Variants in SCHIP1 observed in about 807,000 individuals in gnomAD.
SCHIP1 encodes schwannomin-interacting protein 1.
Under a neutral mutation model 29.7 loss-of-function variants are expected in SCHIP1, and 8 were observed. That is an observed-to-expected ratio of 0.27 (90% CI 0.16 to 0.49). The LOEUF is 0.49. SCHIP1 is among the 20% of genes least tolerant of loss of function. The pLI is 0.99. For missense variants in SCHIP1, 193 were observed against 294.6 expected (o/e 0.66, Z 2.52); for synonymous variants, 76 against 94.9 (o/e 0.80, Z 1.16).
At chr3:159,626,532 T>C in the SCHIP1 span, among the ~76,000 whole-genome samples, 2 of 152,068 alleles carry the variant, frequency 1.3e-5, no homozygotes, top group East Asian at 1.9e-4. Context: ...ACAAGGGTCG[T>C]CTGGGGCATG....
chr3:159,839,187 G>A (rs888645557), upstream of SCHIP1, among the ~76,000 whole-genome samples: 3 of 151,818 alleles, frequency 2.0e-5, no homozygotes, highest in African/African-American at 4.8e-5. Flanking sequence ...CTCTGTCTCA[G>A]GGAGGATGGG....
chr3:159,840,106 C>CG (rs1211632553), exon 1 of SCHIP1: 1 of 1,528,970 alleles, frequency 6.5e-7, no homozygotes, highest in Admixed American at 2.0e-5. Flanking sequence ...CTCCGCCCGC[C>CG]GGTGGATGCT....
At chr3:159,765,218 G>C in the SCHIP1 span, 3 of 1,413,638 alleles carry the variant, frequency 2.1e-6, no homozygotes, top group Non-Finnish European at 2.8e-6. Flanking sequence ...CCCTCCCTGC[G>C]CTCCCGCCCG....
chr3:159,301,781 G>A, the SCHIP1 span, among the ~76,000 whole-genome samples: 4 of 152,250 alleles, frequency 2.6e-5, no homozygotes, highest in African/African-American at 9.6e-5. Flanking sequence ...CCAGTCATGT[G>A]AAACTGTAAG....
chr3:159,347,741 A>AT, the SCHIP1 span, among the ~76,000 whole-genome samples: 9 of 152,110 alleles, frequency 5.9e-5, no homozygotes, highest in Admixed American at 3.9e-4. Flanking sequence ...GGGGTCTATA[A>AT]TTTTTAATCA....
At chr3:159,360,678 G>A in the SCHIP1 span, among the ~76,000 whole-genome samples, 8 of 152,104 alleles carry the variant, frequency 5.3e-5, no homozygotes, top group African/African-American at 1.9e-4. Context: ...TATGCTTTCT[G>A]TTCATTCTTT....
the SCHIP1 span, among the ~76,000 whole-genome samples, chr3:159,522,419 GAGA>G: frequency 6.6e-6 from 1 of 152,220 alleles, no homozygotes; most frequent in African/African-American, 2.4e-5. Flanking sequence ...AAGTAAGAAA[GAGA>G]AGGTTTCCAA....
chr3:159,527,042 A>C, the SCHIP1 span, among the ~76,000 whole-genome samples: 1 of 152,286 alleles, frequency 6.6e-6, no homozygotes, highest in East Asian at 1.9e-4. Flanking sequence ...ATATCTTCCT[A>C]GTGCTAGGTT....
At chr3:159,640,407 T>C in the SCHIP1 span, among the ~76,000 whole-genome samples, 1 of 152,150 alleles carries the variant, frequency 6.6e-6, no homozygotes, top group Non-Finnish European at 1.5e-5. Flanking sequence ...AATCTAATCC[T>C]CTTCATTTGG....
the SCHIP1 span, among the ~76,000 whole-genome samples, chr3:159,592,958 T>G: frequency 6.6e-6 from 1 of 152,138 alleles, no homozygotes; most frequent in Non-Finnish European, 1.5e-5. Context: ...TTATCGAGCA[T>G]CTGTTATGCA....
At chr3:159,806,447 T>C in the SCHIP1 span, among the ~76,000 whole-genome samples, 1 of 152,220 alleles carries the variant, frequency 6.6e-6, no homozygotes, top group Non-Finnish European at 1.5e-5. Flanking sequence ...ATAGAATGAC[T>C]CAAGACAAGA....
chr3:159,404,207 G>T, the SCHIP1 span, among the ~76,000 whole-genome samples: 1 of 152,128 alleles, frequency 6.6e-6, no homozygotes, highest in Non-Finnish European at 1.5e-5. Context: ...CACATTCCTA[G>T]CTTTAGTGGC....
At chr3:159,715,424 T>A in the SCHIP1 span, among the ~76,000 whole-genome samples, 1 of 152,198 alleles carries the variant, frequency 6.6e-6, no homozygotes, top group South Asian at 2.1e-4. Context: ...AGAAGAAGGC[T>A]TCAGAAGATC....
chr3:159,535,643 A>G, the SCHIP1 span, among the ~76,000 whole-genome samples: 2 of 152,220 alleles, frequency 1.3e-5, no homozygotes, highest in African/African-American at 2.4e-5. Context: ...GACATAGACT[A>G]GTTGGATTGT....
the SCHIP1 span, among the ~76,000 whole-genome samples, chr3:159,723,367 C>G: frequency 3.9e-5 from 6 of 151,962 alleles, no homozygotes; most frequent in Non-Finnish European, 7.4e-5. Flanking sequence ...TGAAATGATA[C>G]TATATATTTT....
the SCHIP1 span, among the ~76,000 whole-genome samples, chr3:159,556,950 TA>T: frequency 2.5e-4 from 37 of 148,008 alleles, no homozygotes; most frequent in Middle Eastern, 3.4e-3. Context: ...TAAAAAAATT[TA>T]AAAAAAAAAG....
the SCHIP1 span, among the ~76,000 whole-genome samples, chr3:159,816,538 G>A: frequency 6.6e-6 from 1 of 152,148 alleles, no homozygotes; most frequent in Non-Finnish European, 1.5e-5. Flanking sequence ...GCCTCCCAAA[G>A]TGCTGGGATT....
the SCHIP1 span, among the ~76,000 whole-genome samples, chr3:159,616,110 G>GC: frequency 0.21 from 31,902 of 152,074 alleles, 9,158 homozygotes; most frequent in African/African-American, 0.65. Context: ...TGCACATTCT[G>GC]CTTTCCTGAG....
the SCHIP1 span, among the ~76,000 whole-genome samples, chr3:159,506,157 C>T: frequency 6.6e-6 from 1 of 152,168 alleles, no homozygotes; most frequent in Non-Finnish European, 1.5e-5. Context: ...TTAGTGATTG[C>T]CATTCTAACT....
Sources: allele counts gnomAD v4.1 joint callset (sites outside exome capture counted in the v4.1 genomes callset), GRCh38; gene constraint gnomAD v4.1.1; transcripts MANE v1.5; gene names NCBI Gene and HGNC (gene_info 2026-07-23, HGNC 2026-07-21).